CLEC2A: variants seen among roughly 807,000 people sequenced by gnomAD.
CLEC2A encodes the protein C-type lectin domain family 2 member A.
CLEC2A carries 19 observed loss-of-function variants against 18.6 expected under a neutral mutation model. That is an observed-to-expected ratio of 1.02 (90% confidence interval 0.71 to 1.50). The LOEUF is 1.50. CLEC2A is among the 40% of genes most tolerant of loss of function. CLEC2A has a pLI of 0.00. For missense variants in CLEC2A, 190 were observed against 207.9 expected (o/e 0.91, Z 0.53); for synonymous variants, 74 against 64.0 (o/e 1.16, Z -0.75).
the CLEC2A span, among the ~76,000 whole-genome samples, chr12:9,887,034 TAA>T: frequency 1.3e-5 from 2 of 151,646 alleles, no homozygotes; most frequent in African/African-American, 4.8e-5. Flanking sequence ...TAAATAAATA[TAA>T]GAGGATATCT....
downstream of CLEC2A, among the ~76,000 whole-genome samples, chr12:9,912,312 G>GT (rs1213750888): frequency 6.6e-6 from 1 of 152,064 alleles, no homozygotes; most frequent in African/African-American, 2.4e-5. Flanking sequence ...CCCTTAGGCC[G>GT]TGAGTCCCAA....
At chr12:9,900,804 T>C (rs563759233) in intron 4 of CLEC2A, among the ~76,000 whole-genome samples, 1 of 152,266 alleles carries the variant, frequency 6.6e-6, no homozygotes, top group South Asian at 2.1e-4. Flanking sequence ...CAAGTCGAGA[T>C]TGACTCCTTA....
the CLEC2A span, among the ~76,000 whole-genome samples, chr12:9,882,299 T>C: frequency 6.6e-6 from 1 of 152,184 alleles, no homozygotes; most frequent in Non-Finnish European, 1.5e-5. Context: ...CATTCTCGTG[T>C]ACAATCTCAT....
At chr12:9,926,161 A>T in intron 2 of CLEC2A, 99 bp downstream of exon 2, 1 of 689,606 alleles carries the variant, frequency 1.5e-6, no homozygotes, top group South Asian at 2.1e-5. Flanking sequence ...AAAACCCTTT[A>T]ATCACTCTAG....
chr12:9,930,335 T>C (rs921023919), intron 1 of CLEC2A, among the ~76,000 whole-genome samples: 5 of 152,220 alleles, frequency 3.3e-5, no homozygotes, highest in African/African-American at 1.2e-4. Context: ...ATATATAAAA[T>C]TTTAAGGGAA....
chr12:9,881,880 C>T, the CLEC2A span, among the ~76,000 whole-genome samples: 2 of 152,002 alleles, frequency 1.3e-5, no homozygotes, highest in East Asian at 1.9e-4. Context: ...GCGAATATGA[C>T]GATGTGTAAT....
chr12:9,881,881 G>C, the CLEC2A span, among the ~76,000 whole-genome samples: 1 of 152,086 alleles, frequency 6.6e-6, no homozygotes, highest in Non-Finnish European at 1.5e-5. Flanking sequence ...CGAATATGAC[G>C]ATGTGTAATC....
At chr12:9,925,757 C>G (rs1203340506) in intron 2 of CLEC2A, among the ~76,000 whole-genome samples, 1 of 152,108 alleles carries the variant, frequency 6.6e-6, no homozygotes, top group East Asian at 1.9e-4. Context: ...GACCTTTAGT[C>G]CTCTCAGATA....
rs1271309119 is a variant in CLEC2A at position 9,922,360 on chromosome 12, A to C, written c.140-128T>G. 4 of 624,222 alleles carry C rather than the reference A, an allele frequency of 6.4e-6. No individual in the cohort carries two copies. In the African/African-American group the frequency reaches 7.5e-5, roughly 12 times the overall value. 38.7% of individuals were successfully genotyped at this position (624,222 alleles called of 1,614,324 possible). On this transcript the variant is annotated intron_variant, in intron 2 of 4. Transcript: ENST00000455827. ...CCGTAAGTTAGCTTCCCCCCTCCCC[A>C]GAATGAGGATGAATTAACTTCCCCT...
the CLEC2A span, among the ~76,000 whole-genome samples, chr12:9,884,455 C>A: frequency 1.3e-5 from 2 of 151,320 alleles, no homozygotes; most frequent in African/African-American, 2.4e-5. Context: ...ATAAATATTT[C>A]TTTCCCTCTT....
chr12:9,931,643 A>G (rs1214904845), intron 1 of CLEC2A, among the ~76,000 whole-genome samples: 1 of 152,202 alleles, frequency 6.6e-6, no homozygotes, highest in African/African-American at 2.4e-5. Flanking sequence ...TAGTGGTTTC[A>G]GCTGGAGTCC....
intron 3 of CLEC2A, among the ~76,000 whole-genome samples, chr12:9,920,544 C>A (rs1012683289): frequency 2.0e-5 from 3 of 152,148 alleles, no homozygotes; most frequent in African/African-American, 7.2e-5. Flanking sequence ...CATCGACCTG[C>A]CTTGCTTTTC....
At chr12:9,892,938 C>G in the CLEC2A span, 32,005 of 1,144,534 alleles carry the variant, frequency 0.028, 629 homozygotes, top group Middle Eastern at 0.053. Context: ...AATCTATTTT[C>G]CAAGTAGTCA....
chr12:9,903,770 C>A (rs1415090744), intron 4 of CLEC2A, among the ~76,000 whole-genome samples: 1 of 152,082 alleles, frequency 6.6e-6, no homozygotes, highest in Non-Finnish European at 1.5e-5. Flanking sequence ...TAGTTAACCA[C>A]CAGAATAGTA....
rs1247504482 is a variant in CLEC2A, at chr12:9,913,598, AC to A, written c.492del (p.Lys164AsnfsTer17). On this transcript the variant is annotated frameshift_variant, in exon 5 of 5. Coordinates refer to ENST00000455827, the MANE Select transcript of CLEC2A (RefSeq NM_001130711.2). LOFTEE classifies it high-confidence loss of function. ...VHSSRGFIDI[K>X]WICSKPKYFL ...AAATATTTAGGTTTGCTGCAAATCC[AC>A]TTGATATCAATAAATCCTCTGGAAC... is the stretch of plus-strand genomic sequence containing the variant. 9.0e-6 allele frequency: 14 copies of A among 1,549,706 alleles called. No homozygotes were observed. Among genetic ancestry groups the A allele is most frequent in the Non-Finnish European group, 1.2e-5 (14 of 1,146,754 alleles).
At chr12:9,921,510 C>A (rs1031797402) in intron 3 of CLEC2A, among the ~76,000 whole-genome samples, 3 of 151,966 alleles carry the variant, frequency 2.0e-5, no homozygotes, top group Non-Finnish European at 4.4e-5. Flanking sequence ...TTGCTTGATC[C>A]CAGGAATTCA....
downstream of CLEC2A, among the ~76,000 whole-genome samples, chr12:9,909,592 A>G (rs757754231): frequency 1.1e-4 from 17 of 152,340 alleles, no homozygotes; most frequent in Middle Eastern, 3.4e-3. Flanking sequence ...AGGAGCATTT[A>G]TGAAGCTGAT....
chr12:9,889,173 C>G, the CLEC2A span, among the ~76,000 whole-genome samples: 1 of 152,160 alleles, frequency 6.6e-6, no homozygotes, highest in Non-Finnish European at 1.5e-5. Flanking sequence ...GCCAACTGTT[C>G]ACATGAATTT....
At chr12:9,910,526 C>T (rs1372031158), downstream of CLEC2A, among the ~76,000 whole-genome samples, 1 of 152,176 alleles carries the variant, frequency 6.6e-6, no homozygotes, top group Non-Finnish European at 1.5e-5. Flanking sequence ...CTTTCTTCTC[C>T]TAGAAGCTTA....
Sources: gnomAD v4.1 joint callset for allele counts (sites outside exome capture counted in the v4.1 genomes callset) on GRCh38, gnomAD v4.1.1 for gene constraint, MANE v1.5 for transcripts, NCBI Gene and HGNC (gene_info 2026-07-23, HGNC 2026-07-21) for gene names.